SEC31A: variants seen among roughly 807,000 people sequenced by gnomAD.
SEC31A encodes protein transport protein Sec31A.
Under a neutral mutation model 151.0 loss-of-function variants are expected in SEC31A, and 70 were observed. That is an observed-to-expected ratio of 0.46 (90% CI 0.38 to 0.57). The LOEUF is 0.57. SEC31A is among the 20% of genes least tolerant of loss of function. SEC31A has a pLI of 0.00. For missense variants in SEC31A, 1,330 were observed against 1,471.2 expected (o/e 0.90, Z 1.57); for synonymous variants, 475 against 505.9 (o/e 0.94, Z 0.82).
At chr4:82,830,527 A>C (rs937386804) in intron 22 of SEC31A, among the ~76,000 whole-genome samples, 1 of 152,228 alleles carries the variant, frequency 6.6e-6, no homozygotes, top group African/African-American at 2.4e-5. Flanking sequence ...ACTAGGAGAC[A>C]GAAAATCAGA....
rs754128759 is a variant in SEC31A at position 82,870,440 on chromosome 4, A to C, written c.783-16T>G. The C allele has an allele frequency of 3.1e-6, 5 of 1,588,058 alleles. No individual in the cohort carries two copies. The highest frequency in any genetic ancestry group is 1.7e-4 in the Middle Eastern group (1 of 6,024). On this transcript the variant is annotated splice_polypyrimidine_tract_variant and intron_variant, in intron 7 of 26. Coordinates refer to ENST00000395310, the MANE Select transcript of SEC31A (RefSeq NM_001077207.4). Reference sequence around the variant, plus strand: ...CAAAATCCCCCTATAAAAAACATAAAGGAACAAGGAAATTTTTAATCTTGA... The same window carrying C: ...CAAAATCCCCCTATAAAAAACATAACGGAACAAGGAAATTTTTAATCTTGA...
chr4:82,852,125 A>C (rs532135890), intron 18 of SEC31A, among the ~76,000 whole-genome samples: 1 of 152,256 alleles, frequency 6.6e-6, no homozygotes, highest in South Asian at 2.1e-4. Context: ...GGTTTTATAA[A>C]GGGCAGTTCC....
chr4:82,890,823 C>G lies in SEC31A; in HGVS notation c.-5+265G>C, dbSNP rs1295486547. 10 of 1,320,492 alleles carry G rather than the reference C, an allele frequency of 7.6e-6. No homozygotes were observed. In the African/African-American group the frequency reaches 1.2e-4, roughly 16 times the overall value. 81.8% of individuals were successfully genotyped at this position (1,320,492 alleles called of 1,614,324 possible). ...TACCAGCCCGGCTACTACTCCCCGG[C>G]AAGACACTGTCGCCAGCCTCGGGTG... On this transcript the variant is annotated intron_variant, in intron 1 of 26. Coordinates refer to ENST00000395310, the MANE Select transcript of SEC31A (RefSeq NM_001077207.4).
chr4:82,872,562 G>A (rs1331718719), intron 6 of SEC31A, among the ~76,000 whole-genome samples: 1 of 152,124 alleles, frequency 6.6e-6, no homozygotes, highest in Non-Finnish European at 1.5e-5. Context: ...TTAAACAGTA[G>A]TCTTAAAAGT....
chr4:82,828,673 C>CAAAAAAAAAAA (rs397994259), intron 23 of SEC31A, among the ~76,000 whole-genome samples: 77 of 44,094 alleles, frequency 1.7e-3, no homozygotes, highest in Non-Finnish European at 1.8e-3. Context: ...CAAAGTAACT[C>CAAAAAAAAAAA]AAAAAAAAAA....
Position 82,828,986 on chromosome 4 carries a change from T to A in SEC31A, c.3027+14A>T, listed in dbSNP as rs966800919. On this transcript the variant is annotated intron_variant, in intron 23 of 26. Coordinates refer to ENST00000395310, the MANE Select transcript of SEC31A (RefSeq NM_001077207.4). The stretch of plus-strand genomic sequence containing the variant: ...ACATCTGTAGGCCATTGGATGGACA[T>A]CTTTTTCTAGTACCTTCTTCTTTTT... 1 of 1,611,310 alleles carries A rather than the reference T, an allele frequency of 6.2e-7. No homozygotes were observed. The highest frequency in any genetic ancestry group is 8.5e-7 in the Non-Finnish European group (1 of 1,177,434).
intron 23 of SEC31A, among the ~76,000 whole-genome samples, chr4:82,828,745 G>C (rs1476691482): frequency 6.7e-6 from 1 of 148,924 alleles, no homozygotes. Context: ...AAAGAGGCCT[G>C]TTGGGAATTT....
chr4:82,874,911 C>A (rs907319716), intron 5 of SEC31A, among the ~76,000 whole-genome samples, 160 bp from the exon 6 acceptor site: 4 of 152,216 alleles, frequency 2.6e-5, no homozygotes, highest in Non-Finnish European at 5.9e-5. Context: ...ACATTCTCAA[C>A]ACATAAAATT....
Position 82,878,775 on chromosome 4 carries a change from G to C in SEC31A, c.357C>G (p.Asp119Glu), listed in dbSNP as rs1307898793. The C allele has an allele frequency of 6.2e-7, 1 of 1,614,058 alleles. No homozygotes were observed. The highest frequency in any genetic ancestry group is 1.1e-5 in the South Asian group (1 of 91,082). ...GDKEVVIAQN[D>E]KHTGPVRALD... ...AGGCTCTCACTGGGCCAGTATGCTT[G>C]TCATTCTGGGCAATCACAACTTCCT... Residue 119 changes from aspartate to glutamate, a missense_variant, in exon 4 of 27, where the codon GAC (aspartate) becomes GAG (glutamate). Physicochemically the swap from Asp to Glu is conservative, Grantham distance 45. Coordinates refer to ENST00000395310, the MANE Select transcript of SEC31A (RefSeq NM_001077207.4).
At chr4:82,833,905 G>C (rs527564638) in intron 22 of SEC31A, among the ~76,000 whole-genome samples, 3 of 152,334 alleles carry the variant, frequency 2.0e-5, no homozygotes, top group Admixed American at 6.5e-5. Flanking sequence ...GAAACTGTGA[G>C]GGGGGAGAGG....
intron 21 of SEC31A, chr4:82,842,830 T>C (rs1729226923): frequency 5.2e-6 from 1 of 193,158 alleles, no homozygotes; most frequent in Non-Finnish European, 1.1e-5. Context: ...GAATTACACA[T>C]TCAAAGCACC....
At chr4:82,857,795 C>T in intron 14 of SEC31A, 31 bp from the exon 15 acceptor site, 1 of 1,356,024 alleles carries the variant, frequency 7.4e-7, no homozygotes, top group South Asian at 1.2e-5. Flanking sequence ...ACAATTTAGC[C>T]AGAATAAAAC....
intron 3 of SEC31A, among the ~76,000 whole-genome samples, chr4:82,880,209 C>T (rs538500012): frequency 1.3e-5 from 2 of 150,592 alleles, no homozygotes; most frequent in Non-Finnish European, 3.0e-5. Flanking sequence ...ACAAAAAAAA[C>T]CACACACACA....
chr4:82,860,014 A>C (rs1246706953), intron 14 of SEC31A, among the ~76,000 whole-genome samples: 3 of 151,912 alleles, frequency 2.0e-5, no homozygotes, highest in Non-Finnish European at 4.4e-5. Context: ...GGATGGTCTT[A>C]ATCTCCTGAC....
chr4:82,870,006 C>T (rs1232359298), intron 8 of SEC31A, among the ~76,000 whole-genome samples: 2 of 152,076 alleles, frequency 1.3e-5, no homozygotes, highest in Non-Finnish European at 2.9e-5. Flanking sequence ...AATCCTACAT[C>T]GAAGATACTG....
In SEC31A at chr4:82,867,344, A is replaced by G. The variant is rs749113776; in HGVS notation, c.883-28T>C. 1.2e-4 allele frequency: 192 copies of G among 1,607,370 alleles called. 1 individual carries two copies. The South Asian group carries it at 2.0e-3, about 17-fold the overall frequency. Reference sequence around the variant, plus strand: ...AGGCCAACAAAAAACAAACAACAAAACTCAGAAAATGGTATGGCCACTTTG... The same window carrying G: ...AGGCCAACAAAAAACAAACAACAAAGCTCAGAAAATGGTATGGCCACTTTG... On this transcript the variant is annotated intron_variant, in intron 8 of 26. Transcript: ENST00000395310.
rs376500189 is a variant in SEC31A at position 82,861,817 on chromosome 4, A to G, written c.1549-109T>C. The G allele has an allele frequency of 1.2e-3, 734 of 597,856 alleles. 2 individuals are homozygous for G. The Middle Eastern group carries it at 0.018, about 15-fold the overall frequency. 37.0% of individuals were successfully genotyped at this position (597,856 alleles called of 1,614,324 possible). A position where few individuals can be genotyped will look rare whatever the true frequency, so the allele number is the denominator to read the frequency against. On this transcript the variant is annotated intron_variant, in intron 13 of 26. Transcript: ENST00000395310. ...AACCAACAACATTCAGAGCTAGTTT[A>G]ATCATAAGAAGCAACAGTGAGTAAA...
chr4:82,848,143 T>C (rs1257941510), intron 20 of SEC31A, among the ~76,000 whole-genome samples: 1 of 150,236 alleles, frequency 6.7e-6, no homozygotes, highest in Non-Finnish European at 1.5e-5. Context: ...TCTGCTGGTC[T>C]GGAAATATGG....
intron 22 of SEC31A, among the ~76,000 whole-genome samples, chr4:82,839,259 T>G (rs1442934627): frequency 6.6e-6 from 1 of 152,234 alleles, no homozygotes; most frequent in Non-Finnish European, 1.5e-5. Context: ...CAAGCGGTTC[T>G]CTTGCCTCAG....
Sources: gnomAD v4.1 joint callset for allele counts (sites outside exome capture counted in the v4.1 genomes callset) on GRCh38, gnomAD v4.1.1 for gene constraint, MANE v1.5 for transcripts, NCBI Gene and HGNC (gene_info 2026-07-23, HGNC 2026-07-21) for gene names.